The following ZNF578 variants were observed in gnomAD, a reference collection of about 807,000 sequenced individuals.
ZNF578 encodes zinc finger protein 578, also known as Putative chemokine-related protein B42.
Under a neutral mutation model 8.3 loss-of-function variants are expected in ZNF578, and 8 were observed. The ratio of observed to expected loss-of-function variants is 0.96; its 90% CI spans 0.56 to 1.74. The LOEUF (loss-of-function observed/expected upper bound fraction) is 1.74. ZNF578 is among the 40% of genes most tolerant of loss of function. ZNF578 has a pLI of 0.00. For missense variants in ZNF578, 726 were observed against 707.5 expected, an observed-to-expected ratio of 1.03 and a Z score of -0.30; for synonymous variants, 206 against 232.2, an observed-to-expected ratio of 0.89 and a Z score of 1.03.
chr19:52,479,407 C>G (rs78889440), intron 2 of ZNF578, among the ~76,000 whole-genome samples: 1 of 151,690 alleles, frequency 6.6e-6, no homozygotes, highest in African/African-American at 2.4e-5. Context: ...TGGTGGCGGG[C>G]GCCCGAAGTC....
intron 5 of ZNF578, among the ~76,000 whole-genome samples, chr19:52,508,520 G>A (rs1363777961): frequency 1.3e-5 from 2 of 151,968 alleles, no homozygotes; most frequent in African/African-American, 2.4e-5. Flanking sequence ...ATAGTGGACC[G>A]AGCGCGGTGG....
chr19:52,510,822 T>TTC lies in ZNF578; in HGVS notation c.441_442insTC (p.Gly148SerfsTer12), dbSNP rs1310721603. ...CAGACCGACATGATCAAAGGCATGC[T>TTC]GGAAACAAGCCTATTAAAGATCAGC... On this transcript the variant is annotated frameshift_variant, in exon 6 of 6. Coordinates refer to ENST00000421239, the MANE Select transcript of ZNF578 (RefSeq NM_001099694.2). LOFTEE classifies it low-confidence loss of function (END_TRUNC). 6.2e-7 allele frequency: 1 copy of TTC among 1,614,198 alleles called. No homozygotes were observed. The highest frequency in any genetic ancestry group is 1.1e-5 in the South Asian group (1 of 91,084).
intron 2 of ZNF578, among the ~76,000 whole-genome samples, chr19:52,483,261 C>G (rs1281513470): frequency 6.6e-6 from 1 of 151,330 alleles, no homozygotes; most frequent in African/African-American, 2.4e-5. Context: ...ACTAAAACTA[C>G]AAAATTAGCT....
chr19:52,478,932 T>C (rs1359562244), intron 2 of ZNF578, among the ~76,000 whole-genome samples: 1 of 151,710 alleles, frequency 6.6e-6, no homozygotes, highest in African/African-American at 2.4e-5. Context: ...CAGGCTGGTC[T>C]CGAACTCCCG....
At chr19:52,506,660 C>T (rs2059426705) in intron 5 of ZNF578, among the ~76,000 whole-genome samples, 1 of 151,928 alleles carries the variant, frequency 6.6e-6, no homozygotes, top group South Asian at 2.1e-4. Context: ...TTAGTGGAGA[C>T]AGTGTTTCAC....
chr19:52,460,741 A>G (rs1357046432), intron 2 of ZNF578, among the ~76,000 whole-genome samples: 1 of 152,044 alleles, frequency 6.6e-6, no homozygotes, highest in Non-Finnish European at 1.5e-5. Flanking sequence ...GTTTTCTTCT[A>G]TCCTAGTTTG....
intron 1 of ZNF578, chr19:52,454,685 G>A (rs1202315597): frequency 6.6e-6 from 1 of 152,190 alleles, no homozygotes; most frequent in Non-Finnish European, 1.5e-5. Flanking sequence ...TGTTTATCTG[G>A]TCAGTCAGAA....
At chr19:52,478,714 A>G (rs1264141037) in intron 2 of ZNF578, among the ~76,000 whole-genome samples, 1 of 151,436 alleles carries the variant, frequency 6.6e-6, no homozygotes, top group Non-Finnish European at 1.5e-5. Flanking sequence ...ATTTTATTTT[A>G]TTTTTTATTT....
At chr19:52,476,109 A>T (rs1386310422) in intron 2 of ZNF578, among the ~76,000 whole-genome samples, 6 of 141,666 alleles carry the variant, frequency 4.2e-5, no homozygotes, top group African/African-American at 1.5e-4. Flanking sequence ...GGGTATAGTA[A>T]AAAAAAAAAA....
At chr19:52,475,448 C>T (rs1207639374) in intron 2 of ZNF578, among the ~76,000 whole-genome samples, 1 of 151,756 alleles carries the variant, frequency 6.6e-6, no homozygotes, top group African/African-American at 2.4e-5. Flanking sequence ...CCTCCACCTC[C>T]TGGGTTCAAG....
intron 5 of ZNF578, 66 bp from the exon 6 acceptor site, chr19:52,510,506 T>C: frequency 1.4e-6 from 2 of 1,440,210 alleles, no homozygotes; most frequent in Non-Finnish European, 1.8e-6. Context: ...GTGTCATATT[T>C]ACACACTTCA....
chr19:52,505,915 TGAGTCA>T (rs1447006342), intron 5 of ZNF578, among the ~76,000 whole-genome samples: 2 of 151,708 alleles, frequency 1.3e-5, no homozygotes, highest in East Asian at 3.9e-4. Flanking sequence ...TTTTTTTTTT[TGAGTCA>T]GAGTCTCACT....
chr19:52,487,238 A>G (rs1236392058), intron 2 of ZNF578, among the ~76,000 whole-genome samples: 1 of 152,100 alleles, frequency 6.6e-6, no homozygotes, highest in African/African-American at 2.4e-5. Context: ...CCAAGCTGGG[A>G]GGATGACTTG....
chr19:52,495,932 G>T (rs1174672040), intron 3 of ZNF578, among the ~76,000 whole-genome samples: 3 of 152,168 alleles, frequency 2.0e-5, no homozygotes, highest in Admixed American at 2.0e-4. Context: ...TATGGAACGT[G>T]ATGAAAGGAG....
chr19:52,507,664 T>A (rs2059430075), intron 5 of ZNF578, among the ~76,000 whole-genome samples: 1 of 152,206 alleles, frequency 6.6e-6, no homozygotes, highest in African/African-American at 2.4e-5. Context: ...GTGAGAGCCT[T>A]CTTCGTGGTT....
intron 5 of ZNF578, among the ~76,000 whole-genome samples, chr19:52,508,653 A>G (rs1677467): frequency 0.66 from 99,812 of 151,078 alleles, 34,476 homozygotes; most frequent in African/African-American, 0.87. Context: ...AAAATTATCG[A>G]GTGTGGTGGT....
At chr19:52,457,947 G>T in intron 2 of ZNF578, 1 of 154,004 alleles carries the variant, frequency 6.5e-6, no homozygotes, top group South Asian at 1.9e-4. Flanking sequence ...TTTGTGAAGA[G>T]GCTCCATTGG....
At chr19:52,455,822 T>A (rs2059238000) in intron 1 of ZNF578, 1 of 152,174 alleles carries the variant, frequency 6.6e-6, no homozygotes, top group Admixed American at 6.5e-5. Context: ...AAAGAAAAAA[T>A]TACATGATTG....
chr19:52,470,546 A>G (rs1430186438), intron 2 of ZNF578, among the ~76,000 whole-genome samples: 1 of 152,104 alleles, frequency 6.6e-6, no homozygotes, highest in African/African-American at 2.4e-5. Context: ...GTGTATTGCT[A>G]AAGGAGATTG....
Sources: gnomAD v4.1 joint callset for allele counts (sites outside exome capture counted in the v4.1 genomes callset) on GRCh38, gnomAD v4.1.1 for gene constraint, MANE v1.5 for transcripts, NCBI Gene and HGNC (gene_info 2026-07-23, HGNC 2026-07-21) for gene names.